The following GALNT10 variants were observed in gnomAD, a reference collection of about 807,000 sequenced individuals.
GALNT10 encodes the protein polypeptide N-acetylgalactosaminyltransferase 10.
Under a neutral mutation model 75.0 loss-of-function variants are expected in GALNT10, and 41 were observed. The ratio of observed to expected loss-of-function variants is 0.55; its 90% CI spans 0.43 to 0.71. The LOEUF (loss-of-function observed/expected upper bound fraction) is 0.71. Ranked by LOEUF, GALNT10 falls within the 30% of genes least tolerant of loss-of-function variation. The pLI is 0.00. For missense variants in GALNT10, 727 were observed against 818.5 expected (o/e 0.89, Z 1.36); for synonymous variants, 302 against 313.0 (o/e 0.96, Z 0.37).
At chr5:154,335,656 T>C (rs1371330908) in intron 4 of GALNT10, among the ~76,000 whole-genome samples, 5 of 152,204 alleles carry the variant, frequency 3.3e-5, no homozygotes, top group Admixed American at 1.3e-4. Context: ...GACCTTATTT[T>C]TTAGAACAGT....
chr5:154,225,694 A>G (rs1438723900), intron 1 of GALNT10, among the ~76,000 whole-genome samples: 2 of 75,308 alleles, frequency 2.7e-5, no homozygotes, highest in East Asian at 1.9e-3. Flanking sequence ...GTGAGCCACT[A>G]TGCCCAGCCA....
rs1435134571 is a variant in GALNT10 at position 154,420,301 on chromosome 5, C to G, written c.*3329C>G. The G allele has an allele frequency of 6.6e-6, 1 of 152,182 alleles. No individual in the cohort carries two copies. Among genetic ancestry groups the G allele is most frequent in the African/African-American group, 2.4e-5 (1 of 41,428 alleles). The allele number at this position is 152,182 out of a possible 1,614,324, so 9.4% of individuals were successfully genotyped here. ...GACATTCACTTTTCAAACTTCCCAC[C>G]AGTTGAATTTCTTTTTTTCCTTAAG... On this transcript the variant is annotated 3_prime_UTR_variant, in exon 12 of 12. Transcript: ENST00000297107.
intron 4 of GALNT10, among the ~76,000 whole-genome samples, chr5:154,336,650 A>G (rs1936145643): frequency 6.6e-6 from 1 of 151,902 alleles, no homozygotes; most frequent in African/African-American, 2.4e-5. Context: ...GTGTTTTATA[A>G]TTTCTGTTTT....
Position 154,380,507 on chromosome 5 carries a change from G to A in GALNT10, c.814G>A (p.Asp272Asn). 6.2e-7 allele frequency: 1 copy of A among 1,613,490 alleles called. No individual in the cohort carries two copies. Among genetic ancestry groups the A allele is most frequent in the Non-Finnish European group, 8.5e-7 (1 of 1,179,780 alleles). Residue 272 changes from aspartate to asparagine, a missense_variant, in exon 6 of 12, where the codon GAC becomes AAC. Coordinates refer to ENST00000297107, the MANE Select transcript of GALNT10 (RefSeq NM_198321.4). ...CCCGATGATTGATGTAATTGACCAT[G>A]ACGACTTTCGGTACGAGACACAGGC... ...VCPMIDVIDH[D>N]DFRYETQAGD... is the part of the protein sequence containing the mutation.
intron 4 of GALNT10, chr5:154,338,301 A>G: frequency 1.6e-6 from 1 of 606,972 alleles, no homozygotes; most frequent in Non-Finnish European, 3.0e-6. Context: ...CTTACCACAC[A>G]ATCTCTGACC....
intron 1 of GALNT10, among the ~76,000 whole-genome samples, chr5:154,224,355 T>G (rs1021389473): frequency 6.6e-6 from 1 of 152,244 alleles, no homozygotes; most frequent in Non-Finnish European, 1.5e-5. Context: ...ATCATTCTTA[T>G]TCTATCAATT....
At chr5:154,354,509 C>T (rs1202464990) in intron 4 of GALNT10, among the ~76,000 whole-genome samples, 1 of 152,170 alleles carries the variant, frequency 6.6e-6, no homozygotes, top group East Asian at 1.9e-4. Context: ...ACCTGATTGT[C>T]TCTCATCTCC....
chr5:154,320,849 C>G (rs1754661862), intron 3 of GALNT10, among the ~76,000 whole-genome samples: 1 of 152,164 alleles, frequency 6.6e-6, no homozygotes, highest in Non-Finnish European at 1.5e-5. Flanking sequence ...CAGAACTGGA[C>G]TACTGGAATC....
rs3776997 is a variant in GALNT10, at chr5:154,417,547, C to G, written c.*575C>G. ...TGTCACAACCCCAGGTGATTTGGTCCGGTCAAAGGCCATACTTGGGGCCCT... is the reference window on the plus strand; with the variant it reads ...TGTCACAACCCCAGGTGATTTGGTCGGGTCAAAGGCCATACTTGGGGCCCT... On this transcript the variant is annotated 3_prime_UTR_variant, in exon 12 of 12. Transcript: ENST00000297107. 12,352 of 153,522 alleles carry G rather than the reference C, an allele frequency of 0.08. 507 individuals are homozygous for G. The highest frequency in any genetic ancestry group is 0.1 in the East Asian group (534 of 5,180). The allele number at this position is 153,522 out of a possible 1,614,324, so 9.5% of individuals were successfully genotyped here.
intron 3 of GALNT10, among the ~76,000 whole-genome samples, chr5:154,303,213 A>G (rs1423144394): frequency 6.6e-6 from 1 of 152,166 alleles, no homozygotes; most frequent in Admixed American, 6.5e-5. Context: ...GAAACAAATG[A>G]GGTGAGCCCT....
At chr5:154,342,170 A>C (rs1329623441) in intron 4 of GALNT10, among the ~76,000 whole-genome samples, 1 of 152,188 alleles carries the variant, frequency 6.6e-6, no homozygotes, top group Non-Finnish European at 1.5e-5. Context: ...TGTCTACCTC[A>C]AAGTCTCATT....
chr5:154,295,754 CT>C (rs1754263357), intron 2 of GALNT10, among the ~76,000 whole-genome samples: 1 of 152,228 alleles, frequency 6.6e-6, no homozygotes. Flanking sequence ...GTTTTTCCAT[CT>C]GTCTGTGGGA....
At chr5:154,262,534 C>A (rs752184166) in intron 1 of GALNT10, among the ~76,000 whole-genome samples, 1 of 152,186 alleles carries the variant, frequency 6.6e-6, no homozygotes, top group Non-Finnish European at 1.5e-5. Flanking sequence ...CCACTTGAAG[C>A]AGGTACTCAG....
At chr5:154,366,782 C>T (rs1374476736) in intron 4 of GALNT10, among the ~76,000 whole-genome samples, 1 of 152,214 alleles carries the variant, frequency 6.6e-6, no homozygotes, top group Non-Finnish European at 1.5e-5. Flanking sequence ...TGGTAATGAT[C>T]TATTGAGGTA....
chr5:154,396,727 G>C (rs1008693842), intron 7 of GALNT10, among the ~76,000 whole-genome samples: 1 of 152,180 alleles, frequency 6.6e-6, no homozygotes, highest in Non-Finnish European at 1.5e-5. Flanking sequence ...TAACCATCTC[G>C]CCCTTGTTGG....
intron 4 of GALNT10, among the ~76,000 whole-genome samples, chr5:154,349,229 C>G (rs1397180753): frequency 6.6e-6 from 1 of 151,992 alleles, no homozygotes; most frequent in Non-Finnish European, 1.5e-5. Context: ...GATGGTCTCT[C>G]AGCAGTCCTG....
intron 3 of GALNT10, among the ~76,000 whole-genome samples, chr5:154,320,378 C>T (rs1243883437): frequency 2.0e-5 from 3 of 152,118 alleles, no homozygotes; most frequent in Non-Finnish European, 4.4e-5. Context: ...CTGTGGGGCC[C>T]GGCTCTGGGC....
At position 154,404,102 on chromosome 5, in the gene GALNT10, AG is replaced by A; in HGVS notation, c.1057del. Reference sequence around the variant, plus strand: ...TCCTCTCTCTTCCTTCTTGCCATGCAGGTGTGGATGTGTGGGGGCCGCATGG... The same window carrying A: ...TCCTCTCTCTTCCTTCTTGCCATGCAGTGTGGATGTGTGGGGGCCGCATGG... On this transcript the variant is annotated splice_acceptor_variant, in intron 7 of 11. Transcript: ENST00000297107. LOFTEE classifies it high-confidence loss of function. 1 of 1,608,400 alleles carries A rather than the reference AG, an allele frequency of 6.2e-7. No individual in the cohort carries two copies. The highest frequency in any genetic ancestry group is 8.5e-7 in the Non-Finnish European group (1 of 1,174,748).
chr5:154,203,789 C>G (rs764220736), intron 1 of GALNT10, among the ~76,000 whole-genome samples: 1 of 152,218 alleles, frequency 6.6e-6, no homozygotes, highest in Non-Finnish European at 1.5e-5. Flanking sequence ...CCAGAGCTCT[C>G]TCTTGTGAGC....
Sources: allele counts gnomAD v4.1 joint callset (sites outside exome capture counted in the v4.1 genomes callset), GRCh38; gene constraint gnomAD v4.1.1; transcripts MANE v1.5; gene names NCBI Gene and HGNC (gene_info 2026-07-23, HGNC 2026-07-21).